NXPE3: variants seen among roughly 807,000 people sequenced by gnomAD.
NXPE3 encodes the protein NXPE family member 3.
In NXPE3, 26 loss-of-function variants were observed where a neutral mutation model predicts 46.1. That is an observed-to-expected ratio of 0.56 (90% CI 0.41 to 0.78). NXPE3 has a LOEUF of 0.78. Among genes scored for constraint, NXPE3 ranks in the 30% least tolerant of loss-of-function variants. NXPE3 has a pLI of 0.00. For synonymous variants in NXPE3, 272 were observed against 257.9 expected (o/e 1.05, Z -0.52); for missense variants, 620 against 686.0 (o/e 0.90, Z 1.07).
At chr3:101,786,476 C>T (rs1940181773) in intron 4 of NXPE3, among the ~76,000 whole-genome samples, 1 of 152,202 alleles carries the variant, frequency 6.6e-6, no homozygotes, top group Non-Finnish European at 1.5e-5. Flanking sequence ...CCTAATCTCT[C>T]TGTGAAATGG....
At chr3:101,814,745 T>C (rs926569527) in intron 6 of NXPE3, among the ~76,000 whole-genome samples, 9 of 152,142 alleles carry the variant, frequency 5.9e-5, no homozygotes, top group Admixed American at 5.2e-4. Flanking sequence ...TCTTGAAGAT[T>C]GTAGGTTTGA....
chr3:101,804,104 T>C (rs567907155), intron 5 of NXPE3, among the ~76,000 whole-genome samples: 2 of 152,190 alleles, frequency 1.3e-5, no homozygotes, highest in East Asian at 3.8e-4. Context: ...TCCACTGTCA[T>C]AATTGTTTTG....
At chr3:101,794,714 G>T (rs1307244932) in intron 4 of NXPE3, among the ~76,000 whole-genome samples, 1 of 151,750 alleles carries the variant, frequency 6.6e-6, no homozygotes, top group African/African-American at 2.4e-5. Flanking sequence ...AAGGAGGAAG[G>T]TAAAGGGAGA....
At chr3:101,802,131 A>G in intron 5 of NXPE3, 142 bp downstream of exon 5, 4 of 690,690 alleles carry the variant, frequency 5.8e-6, no homozygotes, top group Non-Finnish European at 9.2e-6. Flanking sequence ...AGTGAATAAA[A>G]AAAAAAACAT....
rs755032069 is a variant in NXPE3 at position 101,821,591 on chromosome 3, G to A, written c.1317G>A (p.Val439=). The change falls in exon 8 of 8, where the codon GTG becomes GTA. Residue 439 remains valine (V), a synonymous_variant. Transcript: ENST00000273347. ...LNGIVGGKNT[V]VAIAVWSHFS... The stretch of plus-strand genomic sequence containing the variant: ...GCATTGTGGGAGGGAAGAACACAGT[G>A]GTTGCCATAGCTGTATGGTCTCACT... The A allele has an allele frequency of 6.2e-7, 1 of 1,614,188 alleles. No individual in the cohort carries two copies. The highest frequency in any genetic ancestry group is 8.5e-7 in the Non-Finnish European group (1 of 1,180,036).
intron 3 of NXPE3, among the ~76,000 whole-genome samples, chr3:101,783,438 C>G (rs1560034196): frequency 6.6e-6 from 1 of 152,208 alleles, no homozygotes; most frequent in Non-Finnish European, 1.5e-5. Flanking sequence ...ATGGGTCTCT[C>G]AAATGTCAGT....
Position 101,817,612 on chromosome 3 carries a change from C to T in NXPE3, c.1129+611C>T, listed in dbSNP as rs576127726. ...CTCTGCTTGGCTCTGGGGCTGTTCT[C>T]CAGACTCAGAACAAAACCCCAGTGG... On this transcript the variant is annotated intron_variant, in intron 7 of 7. Coordinates refer to ENST00000273347, the MANE Select transcript of NXPE3 (RefSeq NM_145037.4). Among the ~76,000 whole-genome samples, 3 of 152,212 alleles carry T rather than the reference C, an allele frequency of 2.0e-5. No homozygotes were observed. In the South Asian group the frequency reaches 6.2e-4, roughly 32 times the overall value.
At chr3:101,798,661 G>A (rs552767794) in intron 4 of NXPE3, among the ~76,000 whole-genome samples, 1 of 149,530 alleles carries the variant, frequency 6.7e-6, no homozygotes, top group South Asian at 2.1e-4. Flanking sequence ...TGTCCAGGCT[G>A]GAGTGCAGTG....
chr3:101,801,136 G>C, intron 4 of NXPE3, 99 bp from the exon 5 acceptor site: 1 of 1,278,838 alleles, frequency 7.8e-7, no homozygotes, highest in Non-Finnish European at 1.1e-6. Flanking sequence ...AGCTCCTGGA[G>C]CTAAAACTCA....
At chr3:101,791,992 G>A (rs1940547148) in intron 4 of NXPE3, among the ~76,000 whole-genome samples, 1 of 152,114 alleles carries the variant, frequency 6.6e-6, no homozygotes, top group African/African-American at 2.4e-5. Flanking sequence ...TCTGACTGGT[G>A]TGAGATCTCA....
chr3:101,810,107 A>T (rs1941642124), intron 6 of NXPE3, among the ~76,000 whole-genome samples: 1 of 152,230 alleles, frequency 6.6e-6, no homozygotes, highest in African/African-American at 2.4e-5. Flanking sequence ...AAAGCAAGGA[A>T]AAACAGTTTT....
At chr3:101,818,753 ATTTTTTTTTTTTTTT>A (rs1186102474) in intron 7 of NXPE3, among the ~76,000 whole-genome samples, 1 of 12,260 alleles carries the variant, frequency 8.2e-5, no homozygotes, top group African/African-American at 2.5e-4. Flanking sequence ...ATATATATAT[ATTTTTTTTTTTTTTT>A]TTTTTTTTTT....
intron 6 of NXPE3, among the ~76,000 whole-genome samples, chr3:101,810,932 C>T (rs11712888): frequency 1.3e-5 from 2 of 151,846 alleles, no homozygotes; most frequent in East Asian, 1.9e-4. Flanking sequence ...TGTGTTCAAG[C>T]GATTCTCGTG....
chr3:101,784,246 ATAGTC>A (rs938884815), intron 3 of NXPE3, among the ~76,000 whole-genome samples: 10 of 152,200 alleles, frequency 6.6e-5, no homozygotes, highest in Admixed American at 4.6e-4. Context: ...CATAATTGGT[ATAGTC>A]TAGTTTGAGA....
At chr3:101,791,965 T>C (rs1201530883) in intron 4 of NXPE3, among the ~76,000 whole-genome samples, 1 of 152,234 alleles carries the variant, frequency 6.6e-6, no homozygotes, top group African/African-American at 2.4e-5. Flanking sequence ...ATTTTTTGAC[T>C]TTTTAATAAT....
At chr3:101,821,305 T>TAA (rs35027466) in intron 7 of NXPE3, 99 bp from the exon 8 acceptor site, 1 of 914,178 alleles carries the variant, frequency 1.1e-6, no homozygotes, top group Non-Finnish European at 1.7e-6. Context: ...TTGTTGTACT[T>TAA]AAAAAAAAAT....
Position 101,785,497 on chromosome 3 carries a change from A to G in NXPE3, c.-100A>G. 3.0e-6 allele frequency: 3 copies of G among 1,014,372 alleles called. No homozygotes were observed. The East Asian group carries it at 7.1e-5, about 24-fold the overall frequency. 62.8% of individuals were successfully genotyped at this position (1,014,372 alleles called of 1,614,324 possible). On this transcript the variant is annotated 5_prime_UTR_variant, in exon 4 of 8. Transcript: ENST00000273347. Reference sequence around the variant, plus strand: ...TACTAGCAGGATAGAAGCAAATGAAACTGAAAGCTCATCTGCAGCTCAGAA... The same window carrying G: ...TACTAGCAGGATAGAAGCAAATGAAGCTGAAAGCTCATCTGCAGCTCAGAA...
intron 6 of NXPE3, among the ~76,000 whole-genome samples, chr3:101,814,791 GA>G (rs112517989): frequency 1.1e-3 from 161 of 144,414 alleles, no homozygotes; most frequent in Middle Eastern, 3.6e-3. Flanking sequence ...ATACCTTCAA[GA>G]AAAAAAAAAA....
chr3:101,792,657 G>C (rs909975709), intron 4 of NXPE3, among the ~76,000 whole-genome samples: 1 of 152,052 alleles, frequency 6.6e-6, no homozygotes, highest in Non-Finnish European at 1.5e-5. Flanking sequence ...TTCTGTTTTG[G>C]TTACTGTTGC....
Sources: gnomAD v4.1 joint callset for allele counts (sites outside exome capture counted in the v4.1 genomes callset) on GRCh38, gnomAD v4.1.1 for gene constraint, MANE v1.5 for transcripts, NCBI Gene and HGNC (gene_info 2026-07-23, HGNC 2026-07-21) for gene names.